Variants in ANTXR2 observed in about 807,000 individuals in gnomAD.
The protein encoded by ANTXR2 is anthrax toxin receptor 2.
In ANTXR2, 44 loss-of-function variants were observed where a neutral mutation model predicts 73.7. The observed-to-expected ratio is 0.60, with a 90% CI of 0.47 to 0.77. ANTXR2 has a LOEUF of 0.77. Ranked by LOEUF, ANTXR2 falls within the 30% of genes least tolerant of loss-of-function variation. ANTXR2 has a pLI of 0.00. For missense variants in ANTXR2, 604 were observed against 592.5 expected (o/e 1.02, Z -0.20); for synonymous variants, 217 against 205.9 (o/e 1.05, Z -0.46).
intron 10 of ANTXR2, among the ~76,000 whole-genome samples, chr4:80,020,676 A>G (rs757820425): frequency 6.6e-5 from 10 of 152,224 alleles, no homozygotes; most frequent in Non-Finnish European, 1.2e-4. Flanking sequence ...GAGAGGCTTG[A>G]TTAAATGATG....
intron 16 of ANTXR2, among the ~76,000 whole-genome samples, chr4:79,947,009 T>C (rs1274103596): frequency 6.6e-6 from 1 of 152,202 alleles, no homozygotes; most frequent in African/African-American, 2.4e-5. Context: ...GAATCTCTTC[T>C]GTGTTTAAGC....
intron 16 of ANTXR2, among the ~76,000 whole-genome samples, chr4:79,908,244 A>C (rs1726996939): frequency 6.6e-6 from 1 of 152,182 alleles, no homozygotes; most frequent in African/African-American, 2.4e-5. Flanking sequence ...CAGATTCCTC[A>C]ACCAGCCAAA....
intron 8 of ANTXR2, among the ~76,000 whole-genome samples, chr4:80,035,724 C>A (rs181047183): frequency 6.6e-6 from 1 of 152,160 alleles, no homozygotes; most frequent in East Asian, 1.9e-4. Flanking sequence ...CAAGCGTGAA[C>A]TAAATATACA....
At position 80,008,611 on chromosome 4, in the gene ANTXR2, G is replaced by A. The variant is rs749065873; in HGVS notation, c.951C>T (p.Asn317=). Residue 317 remains asparagine, a synonymous_variant, in exon 12 of 17, where the codon AAC becomes AAT. Transcript: ENST00000403729. ...SLIVTATECS[N]GIAAIIVILV... Reference sequence around the variant, plus strand: ...AAATAACAATGATGGCTGCGATCCCGTTAGACTAAAGTAGGCAAAAAGCAA... The same window carrying A: ...AAATAACAATGATGGCTGCGATCCCATTAGACTAAAGTAGGCAAAAAGCAA... 30 of 1,595,036 alleles carry A rather than the reference G, an allele frequency of 1.9e-5. No individual in the cohort carries two copies. The highest frequency in any genetic ancestry group is 5.8e-5 in the South Asian group (5 of 86,148).
intron 11 of ANTXR2, among the ~76,000 whole-genome samples, chr4:80,014,970 G>T (rs779687623): frequency 2.6e-5 from 4 of 152,116 alleles, no homozygotes; most frequent in Non-Finnish European, 5.9e-5. Context: ...TCTTGCAACA[G>T]TCTTGACAAG....
intron 12 of ANTXR2, among the ~76,000 whole-genome samples, chr4:79,990,505 A>AT (rs939402912): frequency 1.5e-4 from 23 of 152,202 alleles, no homozygotes; most frequent in African/African-American, 5.5e-4. Flanking sequence ...ATGAAAAAGC[A>AT]TTCTATGCTC....
intron 3 of ANTXR2, among the ~76,000 whole-genome samples, chr4:80,060,565 C>G (rs754300307): frequency 6.6e-6 from 1 of 152,080 alleles, no homozygotes; most frequent in African/African-American, 2.4e-5. Flanking sequence ...CCAAGCTCAA[C>G]CTTGTTTCTT....
Position 79,901,297 on chromosome 4 carries a change from C to T in ANTXR2, c.*6132G>A, listed in dbSNP as rs184558830. 1.3e-5 allele frequency: 2 copies of T among 152,020 alleles called. No homozygotes were observed. Among genetic ancestry groups the T allele is most frequent in the Admixed American group, 6.6e-5 (1 of 15,252 alleles). The allele number at this position is 152,020 out of a possible 1,614,324, so 9.4% of individuals were successfully genotyped here. A position where few individuals can be genotyped will look rare whatever the true frequency, so the allele number is the denominator to read the frequency against. ...GTTTTATATTGTGAGTTTTTCTTTC[C>T]CCAATTACTTATACAAATCAGATGG... On this transcript the variant is annotated 3_prime_UTR_variant, in exon 17 of 17. Transcript: ENST00000403729.
In ANTXR2 at chr4:79,984,096, C is replaced by T. The variant is rs186386145; in HGVS notation, c.1087-126G>A. 3.6e-4 allele frequency: 245 copies of T among 672,198 alleles called. 2 individuals are homozygous for T. In the African/African-American group the frequency reaches 4.2e-3, roughly 11 times the overall value. 41.6% of individuals were successfully genotyped at this position (672,198 alleles called of 1,614,324 possible). ...ACTATGGAAAAAACTATGTATAGAA[C>T]ATGTGGATATATTTACACTTACATG... On this transcript the variant is annotated intron_variant, in intron 13 of 16. Transcript: ENST00000403729.
chr4:80,026,867 G>C (rs1732470862), intron 10 of ANTXR2, among the ~76,000 whole-genome samples: 1 of 151,948 alleles, frequency 6.6e-6, no homozygotes, highest in African/African-American at 2.4e-5. Flanking sequence ...CACCCCTCCA[G>C]GTGTTCATGT....
In ANTXR2 at chr4:80,006,798, T is replaced by G. The variant is rs368374025; in HGVS notation, c.1041+1723A>C. Reference sequence around the variant, plus strand: ...ATATGTCTTTTTAAAAATCATACACTTTGACACTTCTGAGCCCTCTGGTCA... The same window carrying G: ...ATATGTCTTTTTAAAAATCATACACGTTGACACTTCTGAGCCCTCTGGTCA... On this transcript the variant is annotated intron_variant, in intron 12 of 16. Transcript: ENST00000403729. 2.0e-5 allele frequency among the ~76,000 whole-genome samples: 3 copies of G among 152,210 alleles called. No individual in the cohort carries two copies. The East Asian group carries it at 5.8e-4, about 29-fold the overall frequency.
intron 16 of ANTXR2, among the ~76,000 whole-genome samples, chr4:79,973,645 T>C: frequency 6.6e-6 from 1 of 152,124 alleles, no homozygotes; most frequent in Non-Finnish European, 1.5e-5. Context: ...GCCAGGCTAG[T>C]CTCCAACTCC....
chr4:80,058,901 C>A (rs1316037352), intron 3 of ANTXR2, among the ~76,000 whole-genome samples: 2 of 152,078 alleles, frequency 1.3e-5, no homozygotes, highest in Admixed American at 1.3e-4. Context: ...ATGCTGCTGT[C>A]ATGACACGCA....
intron 16 of ANTXR2, among the ~76,000 whole-genome samples, chr4:79,937,756 A>G (rs1169912771): frequency 6.6e-6 from 1 of 152,032 alleles, no homozygotes. Context: ...GCTCCGGTCT[A>G]CAGCTCCCAG....
At chr4:80,039,794 T>C (rs1733148393) in intron 7 of ANTXR2, among the ~76,000 whole-genome samples, 1 of 151,924 alleles carries the variant, frequency 6.6e-6, no homozygotes, top group Non-Finnish European at 1.5e-5. Flanking sequence ...CAAAAGAAAA[T>C]AAATTCTTCC....
intron 11 of ANTXR2, among the ~76,000 whole-genome samples, chr4:80,014,296 AG>A (rs1477152008): frequency 6.6e-6 from 1 of 151,994 alleles, no homozygotes; most frequent in Non-Finnish European, 1.5e-5. Context: ...TGGCCGGGTG[AG>A]GTGGCTCACG....
chr4:79,907,204 G>A lies in ANTXR2; in HGVS notation c.*225C>T. On this transcript the variant is annotated 3_prime_UTR_variant, in exon 17 of 17. Transcript: ENST00000403729. ...CTTTATTTTCAATGTCATAAATCAT[G>A]AGTTACCACTGAGTTTCATCACCTC... 1 of 582,836 alleles carries A rather than the reference G, an allele frequency of 1.7e-6. No homozygotes were observed. Among genetic ancestry groups the A allele is most frequent in the Non-Finnish European group, 3.0e-6 (1 of 333,096 alleles). The allele number at this position is 582,836 out of a possible 1,614,324, so 36.1% of individuals were successfully genotyped here.
Position 79,929,510 on chromosome 4 carries a change from T to TCAA in ANTXR2, c.1429-22046_1429-22044dup, listed in dbSNP as rs201601780. Among the ~76,000 whole-genome samples, 435 of 152,144 alleles carry TCAA rather than the reference T, an allele frequency of 2.9e-3. 17 individuals carry two copies. In the East Asian group the frequency reaches 0.067, roughly 23 times the overall value. On this transcript the variant is annotated intron_variant, in intron 16 of 16. Transcript: ENST00000403729. ...CTGGGCAACAGAGCGAGACTCAGTA[T>TCAA]CAACAACAACAACAACAACAAAAGT...
chr4:79,966,127 G>GACACACACACAC (rs10549471), intron 16 of ANTXR2, among the ~76,000 whole-genome samples: 6,543 of 149,460 alleles, frequency 0.044, 256 homozygotes, highest in African/African-American at 0.093. Context: ...CTAGGACTTA[G>GACACACACACAC]ACACACACAC....
Sources: allele counts gnomAD v4.1 joint callset (sites outside exome capture counted in the v4.1 genomes callset), GRCh38; gene constraint gnomAD v4.1.1; transcripts MANE v1.5; gene names NCBI Gene and HGNC (gene_info 2026-07-23, HGNC 2026-07-21).